FRAS1: variants seen among roughly 807,000 people sequenced by gnomAD.
FRAS1 encodes Fraser extracellular matrix complex subunit 1.
FRAS1 carries 290 observed loss-of-function variants against 435.2 expected under a neutral mutation model. The observed-to-expected ratio is 0.67, with a 90% CI of 0.61 to 0.73. The LOEUF is 0.73. Among genes scored for constraint, FRAS1 ranks in the 30% least tolerant of loss-of-function variants. The pLI is 0.00. For synonymous variants in FRAS1, 1,800 were observed against 1,851.0 expected (o/e 0.97, Z 0.71); for missense variants, 4,860 against 5,001.5 (o/e 0.97, Z 0.85).
chr4:78,491,702 A>G (rs1305690690), intron 59 of FRAS1, among the ~76,000 whole-genome samples: 2 of 152,236 alleles, frequency 1.3e-5, no homozygotes, highest in Non-Finnish European at 2.9e-5. Context: ...TATCATATTG[A>G]ATGGCAAAAG....
chr4:78,322,421 G>C (rs996922856), intron 18 of FRAS1, among the ~76,000 whole-genome samples: 10 of 152,086 alleles, frequency 6.6e-5, no homozygotes, highest in Admixed American at 5.2e-4. Context: ...CACTATTGAG[G>C]GTTTCTTTTA....
intron 42 of FRAS1, chr4:78,446,064 C>T (rs1578329471): frequency 8.7e-7 from 1 of 1,145,046 alleles, no homozygotes; most frequent in East Asian, 4.4e-5. Context: ...TTTGCCTTTT[C>T]TTATTTTACT....
chr4:78,155,112 A>G (rs1218790553), intron 2 of FRAS1, among the ~76,000 whole-genome samples: 1 of 152,170 alleles, frequency 6.6e-6, no homozygotes, highest in Non-Finnish European at 1.5e-5. Flanking sequence ...GCTGCTTTAA[A>G]CTATAAAATT....
intron 2 of FRAS1, among the ~76,000 whole-genome samples, chr4:78,178,779 A>G (rs1484705560): frequency 1.3e-5 from 2 of 152,198 alleles, no homozygotes; most frequent in African/African-American, 4.8e-5. Flanking sequence ...AAATGAGGGC[A>G]CATTTTGAGG....
chr4:78,459,224 T>G (rs1719294203), intron 47 of FRAS1, among the ~76,000 whole-genome samples: 1 of 152,224 alleles, frequency 6.6e-6, no homozygotes, highest in African/African-American at 2.4e-5. Flanking sequence ...ATGGTACTTG[T>G]CATGTTAGAA....
At chr4:78,406,185 A>G (rs1733087479) in intron 30 of FRAS1, among the ~76,000 whole-genome samples, 2 of 152,202 alleles carry the variant, frequency 1.3e-5, no homozygotes, top group Non-Finnish European at 2.9e-5. Flanking sequence ...TCAGATTCAA[A>G]TCCCAGCTCA....
chr4:78,483,766 AACT>A (rs1361744134), intron 58 of FRAS1, among the ~76,000 whole-genome samples: 216 of 20,930 alleles, frequency 0.01, 5 homozygotes, highest in African/African-American at 0.02. Flanking sequence ...AGAAAAAAAA[AACT>A]CTCTCTCTCT....
At chr4:78,223,847 G>C (rs1043124588) in intron 2 of FRAS1, among the ~76,000 whole-genome samples, 1 of 151,992 alleles carries the variant, frequency 6.6e-6, no homozygotes, top group Non-Finnish European at 1.5e-5. Context: ...CCAAGAAATG[G>C]AAATAGAAGC....
intron 18 of FRAS1, among the ~76,000 whole-genome samples, chr4:78,322,474 A>G (rs1312682775): frequency 6.6e-6 from 1 of 152,202 alleles, no homozygotes; most frequent in East Asian, 1.9e-4. Context: ...GAAGAGAAAA[A>G]CAACTGTTTT....
intron 29 of FRAS1, among the ~76,000 whole-genome samples, chr4:78,393,787 A>G (rs969829965): frequency 6.6e-6 from 1 of 152,064 alleles, no homozygotes; most frequent in African/African-American, 2.4e-5. Flanking sequence ...CAGAAGTGTG[A>G]TTGCTGATCA....
chr4:78,172,704 T>A (rs544817913), intron 2 of FRAS1, among the ~76,000 whole-genome samples: 2 of 152,222 alleles, frequency 1.3e-5, no homozygotes, highest in South Asian at 2.1e-4. Flanking sequence ...TTTTATTTTT[T>A]AATATTATTT....
intron 22 of FRAS1, among the ~76,000 whole-genome samples, chr4:78,366,406 A>C (rs12641246): frequency 0.17 from 25,320 of 152,060 alleles, 2,685 homozygotes; most frequent in East Asian, 0.33. Context: ...AGTAGTTGGA[A>C]AGTTGTTTTT....
intron 9 of FRAS1, among the ~76,000 whole-genome samples, chr4:78,272,961 C>T (rs1726788711): frequency 6.6e-6 from 1 of 152,232 alleles, no homozygotes; most frequent in East Asian, 1.9e-4. Context: ...AATGTTCTTC[C>T]ATTTGTTTGT....
intron 2 of FRAS1, among the ~76,000 whole-genome samples, chr4:78,115,172 A>G (rs555829926): frequency 1.2e-4 from 18 of 151,408 alleles, no homozygotes; most frequent in Non-Finnish European, 2.5e-4. Context: ...CATCCCAGGG[A>G]TGAAGCCCAC....
At chr4:78,120,189 A>C (rs759399463) in intron 2 of FRAS1, among the ~76,000 whole-genome samples, 1 of 152,218 alleles carries the variant, frequency 6.6e-6, no homozygotes, top group Non-Finnish European at 1.5e-5. Context: ...TGTGCCAAGT[A>C]TCTTGAATTT....
chr4:78,394,846 T>A (rs947405788), intron 29 of FRAS1, among the ~76,000 whole-genome samples: 10 of 152,072 alleles, frequency 6.6e-5, no homozygotes, highest in Non-Finnish European at 1.5e-4. Flanking sequence ...ACATGGGATA[T>A]CTTTGCATTT....
intron 2 of FRAS1, among the ~76,000 whole-genome samples, chr4:78,196,741 T>C (rs542758687): frequency 6.6e-6 from 1 of 152,336 alleles, no homozygotes; most frequent in South Asian, 2.1e-4. Context: ...CTCAGAAGTA[T>C]TGAAAAGAAA....
chr4:78,530,059 T>G (rs1337392722), intron 70 of FRAS1, among the ~76,000 whole-genome samples: 1 of 152,172 alleles, frequency 6.6e-6, no homozygotes, highest in East Asian at 1.9e-4. Flanking sequence ...AGCTGTAGTT[T>G]GTTGCTCACT....
chr4:78,333,889 G>A (rs982624506), intron 19 of FRAS1, among the ~76,000 whole-genome samples: 31 of 152,020 alleles, frequency 2.0e-4, no homozygotes, highest in African/African-American at 7.2e-4. Context: ...ACCTCACCTC[G>A]GCCTCCTGGG....
Sources: gnomAD v4.1 joint callset for allele counts (sites outside exome capture counted in the v4.1 genomes callset) on GRCh38, gnomAD v4.1.1 for gene constraint, MANE v1.5 for transcripts, NCBI Gene and HGNC (gene_info 2026-07-23, HGNC 2026-07-21) for gene names.